The following ARHGAP32 variants were observed in gnomAD, a reference collection of about 807,000 sequenced individuals.
The protein encoded by ARHGAP32 is rho GTPase-activating protein 32.
In ARHGAP32, 51 loss-of-function variants were observed where a neutral mutation model predicts 186.5. That is an observed-to-expected ratio of 0.27 (90% CI 0.22 to 0.35). The LOEUF (loss-of-function observed/expected upper bound fraction) is 0.35, where lower values mean the gene tolerates loss of function less well. Among genes scored for constraint, ARHGAP32 ranks in the 10% least tolerant of loss-of-function variants. The probability of loss-of-function intolerance (pLI) is 1.00; values close to 1 mark genes in which losing one functional copy is unlikely to be tolerated. For synonymous variants in ARHGAP32, 950 were observed against 964.3 expected, an observed-to-expected ratio of 0.99 and a Z score of 0.27; for missense variants, 2,186 against 2,623.5, an observed-to-expected ratio of 0.83 and a Z score of 3.64.
chr11:129,071,701 C>T (rs1252221824), intron 6 of ARHGAP32, among the ~76,000 whole-genome samples: 2 of 152,096 alleles, frequency 1.3e-5, no homozygotes, highest in Non-Finnish European at 2.9e-5. Context: ...ACTCAATAAT[C>T]CCACATCTAG....
At chr11:129,113,452 T>C (rs553930478) in intron 5 of ARHGAP32, among the ~76,000 whole-genome samples, 13 of 152,286 alleles carry the variant, frequency 8.5e-5, no homozygotes, top group African/African-American at 3.1e-4. Flanking sequence ...TATGTAAGTC[T>C]TGATAAATTT....
chr11:129,102,186 G>A (rs1941918214), intron 5 of ARHGAP32, among the ~76,000 whole-genome samples: 1 of 152,076 alleles, frequency 6.6e-6, no homozygotes. Flanking sequence ...TGCCTTACAA[G>A]AGCTCCTGAA....
intron 19 of ARHGAP32, among the ~76,000 whole-genome samples, chr11:128,977,078 A>C (rs774400150): frequency 3.3e-5 from 5 of 152,200 alleles, no homozygotes; most frequent in Non-Finnish European, 7.3e-5. Flanking sequence ...CCACACATCA[A>C]GGAATGCCAG....
At chr11:129,004,343 AT>A (rs1937652435) in intron 11 of ARHGAP32, among the ~76,000 whole-genome samples, 1 of 145,706 alleles carries the variant, frequency 6.9e-6, no homozygotes, top group Non-Finnish European at 1.5e-5. Flanking sequence ...AAGAATATGT[AT>A]TCTGCAGCTG....
intron 11 of ARHGAP32, among the ~76,000 whole-genome samples, chr11:129,034,340 T>A (rs575045960): frequency 6.6e-6 from 1 of 152,252 alleles, no homozygotes; most frequent in South Asian, 2.1e-4. Context: ...GATATGTTTT[T>A]ATACTTCTGT....
At chr11:129,004,783 T>C (rs922255535) in intron 11 of ARHGAP32, among the ~76,000 whole-genome samples, 2 of 152,150 alleles carry the variant, frequency 1.3e-5, no homozygotes, top group African/African-American at 2.4e-5. Flanking sequence ...GTGTTTCCTA[T>C]AGGCGACAGG....
intron 21 of ARHGAP32, chr11:128,973,837 CA>C (rs1945465813): frequency 1.9e-6 from 1 of 518,770 alleles, no homozygotes; most frequent in Admixed American, 3.7e-5. Flanking sequence ...AAGAGAAAAA[CA>C]GAATCAAGAG....
Position 128,965,933 on chromosome 11 carries a change from C to T in ARHGAP32, c.*2974G>A, listed in dbSNP as rs1945212874. The T allele has an allele frequency of 6.6e-6, 1 of 152,174 alleles. No homozygotes were observed. The highest frequency in any genetic ancestry group is 2.1e-4 in the South Asian group (1 of 4,826). 9.4% of individuals were successfully genotyped at this position (152,174 alleles called of 1,614,324 possible). Reference sequence around the variant, plus strand: ...AGTCCTAGAATTTTTCAACCTGACCCTAAATTTTAAAAAATGCTTTGCCAT... The same window carrying T: ...AGTCCTAGAATTTTTCAACCTGACCTTAAATTTTAAAAAATGCTTTGCCAT... On this transcript the variant is annotated 3_prime_UTR_variant, in exon 23 of 23. Coordinates refer to ENST00000682385, the MANE Select transcript of ARHGAP32 (RefSeq NM_001378024.1).
intron 1 of ARHGAP32, among the ~76,000 whole-genome samples, chr11:129,181,722 A>G (rs543616650): frequency 1.3e-5 from 2 of 152,180 alleles, no homozygotes; most frequent in African/African-American, 4.8e-5. Flanking sequence ...AGCCAGTTGG[A>G]ATTCAGTTTT....
At chr11:129,256,308 T>C (rs1413175260) in intron 1 of ARHGAP32, among the ~76,000 whole-genome samples, 1 of 131,450 alleles carries the variant, frequency 7.6e-6, no homozygotes, top group Non-Finnish European at 1.6e-5. Context: ...TTTAAAATTT[T>C]TAAAAAGGAA....
At chr11:129,081,199 C>T (rs1360518547) in intron 6 of ARHGAP32, among the ~76,000 whole-genome samples, 1 of 151,966 alleles carries the variant, frequency 6.6e-6, no homozygotes, top group Non-Finnish European at 1.5e-5. Flanking sequence ...AGAACTGGTA[C>T]CAATCCTAAT....
chr11:129,178,602 T>C (rs1481057848), intron 1 of ARHGAP32, among the ~76,000 whole-genome samples: 1 of 151,466 alleles, frequency 6.6e-6, no homozygotes. Flanking sequence ...GAGATATAGA[T>C]CAATGGAACA....
intron 1 of ARHGAP32, among the ~76,000 whole-genome samples, chr11:129,199,399 G>C (rs1944432015): frequency 6.6e-6 from 1 of 152,232 alleles, no homozygotes; most frequent in Admixed American, 6.5e-5. Context: ...TGGTTTCATG[G>C]GCCAGGCCCA....
chr11:129,106,381 T>C (rs371658871), intron 5 of ARHGAP32, among the ~76,000 whole-genome samples: 6 of 152,138 alleles, frequency 3.9e-5, no homozygotes, highest in African/African-American at 9.6e-5. Flanking sequence ...GCAATATAAA[T>C]GCAGACAGTG....
chr11:129,192,667 C>T (rs543324060), upstream of ARHGAP32, among the ~76,000 whole-genome samples: 2 of 152,218 alleles, frequency 1.3e-5, no homozygotes, highest in African/African-American at 4.8e-5. Context: ...ATAGATCTCA[C>T]AGTTAAGGAG....
intron 1 of ARHGAP32, among the ~76,000 whole-genome samples, chr11:129,253,093 T>C (rs1945207769): frequency 6.6e-6 from 1 of 152,080 alleles, no homozygotes; most frequent in African/African-American, 2.4e-5. Flanking sequence ...ATTTGAGTGG[T>C]TTAAAAGGTA....
At chr11:129,033,424 C>T (rs920508669) in intron 11 of ARHGAP32, among the ~76,000 whole-genome samples, 50 of 152,152 alleles carry the variant, frequency 3.3e-4, no homozygotes, top group Non-Finnish European at 5.7e-4. Context: ...ATATCATTAT[C>T]CTTAAATTTT....
chr11:129,210,083 T>TG, intron 1 of ARHGAP32, among the ~76,000 whole-genome samples: 2 of 152,314 alleles, frequency 1.3e-5, no homozygotes, highest in Middle Eastern at 3.4e-3. Flanking sequence ...TAGGAACATT[T>TG]GCCTAACAGC....
intron 11 of ARHGAP32, 145 bp from the exon 12 acceptor site, chr11:128,998,613 A>G: frequency 1.8e-6 from 1 of 541,018 alleles, no homozygotes; most frequent in Non-Finnish European, 2.9e-6. Context: ...TGTCAGTACA[A>G]GTTTAAGCTA....
Sources: allele counts gnomAD v4.1 joint callset (sites outside exome capture counted in the v4.1 genomes callset), GRCh38; gene constraint gnomAD v4.1.1; transcripts MANE v1.5; gene names NCBI Gene and HGNC (gene_info 2026-07-23, HGNC 2026-07-21).